Variants in PCLO observed in about 807,000 individuals in gnomAD.
The protein encoded by PCLO is piccolo presynaptic cytomatrix protein.
Under a neutral mutation model 427.5 loss-of-function variants are expected in PCLO, and 82 were observed. The observed-to-expected ratio is 0.19, with a 90% CI of 0.16 to 0.23. PCLO has a LOEUF of 0.23. Ranked by LOEUF, PCLO falls within the 10% of genes least tolerant of loss-of-function variation. The probability of loss-of-function intolerance (pLI) is 1.00; values close to 1 mark genes in which losing one functional copy is unlikely to be tolerated. For synonymous variants in PCLO, 2,357 were observed against 2,155.4 expected, an observed-to-expected ratio of 1.09 and a Z score of -2.59; for missense variants, 6,239 against 6,115.9, an observed-to-expected ratio of 1.02 and a Z score of -0.67.
intron 12 of PCLO, among the ~76,000 whole-genome samples, 156 bp downstream of exon 12, chr7:82,846,411 T>C (rs1792502870): frequency 6.6e-6 from 1 of 152,046 alleles, no homozygotes; most frequent in Non-Finnish European, 1.5e-5. Context: ...ATTTTGTTTA[T>C]AATTATATAA....
chr7:83,004,228 A>G (rs1787892216), intron 3 of PCLO, among the ~76,000 whole-genome samples: 1 of 151,794 alleles, frequency 6.6e-6, no homozygotes, highest in African/African-American at 2.4e-5. Flanking sequence ...CAACAAAGGT[A>G]TAGGTATCAT....
In PCLO at chr7:83,021,017, T is replaced by A. The variant is rs555812013; in HGVS notation, c.3301-54530A>T. ...CCTTTTGAAATATTCTTTCAGGGCCTGCACACCAATGAAACTACTGATATC... is the reference window on the plus strand; with the variant it reads ...CCTTTTGAAATATTCTTTCAGGGCCAGCACACCAATGAAACTACTGATATC... On this transcript the variant is annotated intron_variant, in intron 3 of 24. Transcript: ENST00000333891. Among the ~76,000 whole-genome samples, 3 of 152,252 alleles carry A rather than the reference T, an allele frequency of 2.0e-5. No individual in the cohort carries two copies. In the East Asian group the frequency reaches 5.8e-4, roughly 29 times the overall value.
intron 8 of PCLO, 60 bp downstream of exon 8, chr7:82,908,817 T>C: frequency 1.4e-6 from 2 of 1,404,010 alleles, no homozygotes; most frequent in Non-Finnish European, 2.0e-6. Context: ...AAGACCATTC[T>C]AGGGTAGACT....
intron 7 of PCLO, among the ~76,000 whole-genome samples, chr7:82,913,381 T>C (rs1562853167): frequency 6.6e-6 from 1 of 152,062 alleles, no homozygotes; most frequent in Non-Finnish European, 1.5e-5. Context: ...AAAATGTGTA[T>C]TTTCCTGTGA....
In PCLO at chr7:82,916,799, AG is replaced by A; in HGVS notation, c.11186del (p.Pro3729LeufsTer38). 6.2e-7 allele frequency: 1 copy of A among 1,613,632 alleles called. No individual in the cohort carries two copies. Among genetic ancestry groups the A allele is most frequent in the Non-Finnish European group, 8.5e-7 (1 of 1,179,654 alleles). On this transcript the variant is annotated frameshift_variant, in exon 7 of 25. Transcript: ENST00000333891. LOFTEE classifies it high-confidence loss of function. ...ATTGAGTTCCTGTGGAAATCTCCTC[AG>A]GAGGTGGATTTGGCAGAGTTCTTTT... ...KVKRTLPNPPPEEISTGTQST... is the reference protein window; with the variant it reads ...KVKRTLPNPPXEEISTGTQST...
chr7:82,979,318 C>T (rs897001853), intron 3 of PCLO, among the ~76,000 whole-genome samples: 1 of 151,968 alleles, frequency 6.6e-6, no homozygotes, highest in African/African-American at 2.4e-5. Context: ...ATTCTGATGT[C>T]GTTAAATTTG....
intron 3 of PCLO, among the ~76,000 whole-genome samples, chr7:83,063,888 A>G (rs1156943213): frequency 6.6e-6 from 1 of 152,008 alleles, no homozygotes; most frequent in Non-Finnish European, 1.5e-5. Flanking sequence ...ATCTACCTCA[A>G]TTTTGCACTG....
At chr7:83,071,022 T>G (rs78085336) in intron 3 of PCLO, among the ~76,000 whole-genome samples, 18,394 of 150,646 alleles carry the variant, frequency 0.12, 1,384 homozygotes, top group Middle Eastern at 0.25. Flanking sequence ...TTTTTTTTTT[T>G]GGATTTGAAA....
intron 24 of PCLO, among the ~76,000 whole-genome samples, chr7:82,759,700 C>A (rs1790390375): frequency 6.6e-6 from 1 of 151,740 alleles, no homozygotes; most frequent in Admixed American, 6.6e-5. Flanking sequence ...TAATTCAAAC[C>A]TTTAATTTCC....
intron 3 of PCLO, among the ~76,000 whole-genome samples, chr7:82,972,936 A>G (rs1457135522): frequency 6.6e-6 from 1 of 152,084 alleles, no homozygotes; most frequent in Non-Finnish European, 1.5e-5. Context: ...ATTTTTATCA[A>G]TGTTATTTAC....
intron 7 of PCLO, chr7:82,914,303 C>T: frequency 2.3e-6 from 1 of 426,650 alleles, no homozygotes; most frequent in Non-Finnish European, 4.1e-6. Context: ...GAAACTGAAA[C>T]TGACCAATAA....
chr7:82,878,816 C>A (rs1336339841), intron 10 of PCLO, among the ~76,000 whole-genome samples: 1 of 152,120 alleles, frequency 6.6e-6, no homozygotes, highest in African/African-American at 2.4e-5. Flanking sequence ...GTCATGAATG[C>A]AGTTCTGCTA....
At position 82,965,925 on chromosome 7, in the gene PCLO, CCTT is replaced by C. The variant is rs1562888580; in HGVS notation, c.3860_3862del (p.Glu1287del). On this transcript the variant is annotated inframe_deletion, in exon 4 of 25. Transcript: ENST00000333891. ...TTCCATCTTGGTCTGTGGTTGTTTC[CCTT>C]CTTGCACTGTCTTTGGAGCCACTCT... is the stretch of plus-strand genomic sequence containing the variant. 1 of 1,613,798 alleles carries C rather than the reference CCTT, an allele frequency of 6.2e-7. No homozygotes were observed. The highest frequency in any genetic ancestry group is 1.1e-5 in the South Asian group (1 of 91,070).
intron 6 of PCLO, among the ~76,000 whole-genome samples, chr7:82,918,811 C>T (rs907709164): frequency 1.3e-5 from 2 of 151,786 alleles, no homozygotes; most frequent in South Asian, 4.1e-4. Flanking sequence ...GACCGTGATG[C>T]CTAACAAAGA....
intron 3 of PCLO, among the ~76,000 whole-genome samples, chr7:83,045,293 G>C (rs1361006311): frequency 6.6e-6 from 1 of 152,004 alleles, no homozygotes; most frequent in Admixed American, 6.6e-5. Flanking sequence ...AATTGTATTG[G>C]GGGTGGAGAG....
At chr7:82,918,156 G>A (rs1794512034) in intron 6 of PCLO, among the ~76,000 whole-genome samples, 1 of 151,936 alleles carries the variant, frequency 6.6e-6, no homozygotes, top group Non-Finnish European at 1.5e-5. Flanking sequence ...CTTTGTAGCG[G>A]TAGTTTGTTT....
intron 3 of PCLO, among the ~76,000 whole-genome samples, chr7:83,122,664 G>A (rs1325450955): frequency 6.6e-6 from 1 of 151,946 alleles, no homozygotes; most frequent in Admixed American, 6.6e-5. Context: ...AAGAAAGAAA[G>A]GAAGGGCATA....
intron 3 of PCLO, among the ~76,000 whole-genome samples, chr7:82,997,490 A>T (rs1309519669): frequency 6.6e-6 from 1 of 152,056 alleles, no homozygotes; most frequent in Non-Finnish European, 1.5e-5. Flanking sequence ...AAGTTTTTCA[A>T]CAAGCTATAG....
Position 82,954,979 on chromosome 7 carries a change from T to G in PCLO, c.5974A>C (p.Lys1992Gln). 6.2e-7 allele frequency: 1 copy of G among 1,613,866 alleles called. No homozygotes were observed. Among genetic ancestry groups the G allele is most frequent in the Non-Finnish European group, 8.5e-7 (1 of 1,179,882 alleles). The stretch of plus-strand genomic sequence containing the variant: ...TAAATCTGTTCTGAAAGTCTTATCT[T>G]TTGCTCTCTTCCTTTCTGCTGCATA... ...GFMQQKGREQ[K>Q]IRLSEQIYED... Residue 1992 changes from lysine (K) to glutamine (Q), a missense_variant, in exon 5 of 25, where the codon AAG (lysine) becomes CAG (glutamine). Lys to Gln is a moderately conservative substitution (Grantham distance 53). Transcript: ENST00000333891.
Sources: gnomAD v4.1 joint callset for allele counts (sites outside exome capture counted in the v4.1 genomes callset) on GRCh38, gnomAD v4.1.1 for gene constraint, MANE v1.5 for transcripts, NCBI Gene and HGNC (gene_info 2026-07-23, HGNC 2026-07-21) for gene names.